Variants in AUTS2 observed in about 807,000 individuals in gnomAD.
AUTS2 encodes autism susceptibility gene 2 protein.
AUTS2 carries 17 observed loss-of-function variants against 112.4 expected under a neutral mutation model. That is an observed-to-expected ratio of 0.15 (90% CI 0.10 to 0.23). The LOEUF (loss-of-function observed/expected upper bound fraction) is 0.23, where lower values mean the gene tolerates loss of function less well. Among genes scored for constraint, AUTS2 ranks in the 10% least tolerant of loss-of-function variants. The pLI is 1.00. For missense variants in AUTS2, 1,510 were observed against 1,701.6 expected (o/e 0.89, Z 1.98); for synonymous variants, 751 against 702.7 (o/e 1.07, Z -1.09).
At chr7:69,655,112 G>T (rs927619864) in intron 1 of AUTS2, among the ~76,000 whole-genome samples, 1 of 152,102 alleles carries the variant, frequency 6.6e-6, no homozygotes, top group Non-Finnish European at 1.5e-5. Flanking sequence ...CAATAGGGAA[G>T]CTTGTTGACC....
At chr7:70,184,196 A>G (rs1241413431) in intron 4 of AUTS2, among the ~76,000 whole-genome samples, 1 of 152,190 alleles carries the variant, frequency 6.6e-6, no homozygotes, top group East Asian at 1.9e-4. Flanking sequence ...AACGTATTAA[A>G]ATAAGTATAA....
intron 5 of AUTS2, among the ~76,000 whole-genome samples, chr7:70,667,186 G>A (rs376104836): frequency 6.6e-6 from 1 of 152,000 alleles, no homozygotes; most frequent in East Asian, 1.9e-4. Context: ...AGAACACCCC[G>A]CACATTAACT....
intron 4 of AUTS2, among the ~76,000 whole-genome samples, chr7:70,189,697 T>C (rs866745133): frequency 1.3e-5 from 2 of 152,342 alleles, no homozygotes; most frequent in South Asian, 4.1e-4. Flanking sequence ...ACTTAACAGT[T>C]GTTCAGTTTC....
rs200298443 is a variant in AUTS2, at chr7:69,899,516, C to T, written c.522+18C>T. The stretch of plus-strand genomic sequence containing the variant: ...TCAGACAGGTGAGGAAGCTTGGGTT[C>T]GCTCTTTCCTGTGGCGGCAAAATCC... On this transcript the variant is annotated intron_variant, in intron 2 of 18. Coordinates refer to ENST00000342771, the MANE Select transcript of AUTS2 (RefSeq NM_015570.4). 36 of 1,612,636 alleles carry T rather than the reference C, an allele frequency of 2.2e-5. No homozygotes were observed. Among genetic ancestry groups the T allele is most frequent in the East Asian group, 1.8e-4 (8 of 44,868 alleles).
chr7:70,571,194 C>T (rs1801923073), intron 5 of AUTS2, among the ~76,000 whole-genome samples: 1 of 152,152 alleles, frequency 6.6e-6, no homozygotes, highest in South Asian at 2.1e-4. Context: ...TTAGGTATAA[C>T]CACAAACAAA....
At chr7:69,967,813 A>G (rs1314970007) in intron 2 of AUTS2, among the ~76,000 whole-genome samples, 1 of 152,180 alleles carries the variant, frequency 6.6e-6, no homozygotes, top group South Asian at 2.1e-4. Flanking sequence ...AGGTAAGTCA[A>G]TATGGTTTCT....
chr7:70,427,347 A>T (rs1795478637), intron 4 of AUTS2, among the ~76,000 whole-genome samples: 1 of 152,214 alleles, frequency 6.6e-6, no homozygotes, highest in Non-Finnish European at 1.5e-5. Flanking sequence ...GAGTTTGGCA[A>T]CCACTGAGGT....
intron 1 of AUTS2, among the ~76,000 whole-genome samples, chr7:69,684,244 T>C (rs965740332): frequency 2.6e-5 from 4 of 152,106 alleles, no homozygotes; most frequent in African/African-American, 9.7e-5. Flanking sequence ...ATAATCCACA[T>C]GTGAGGTAGA....
At chr7:70,063,253 TG>T (rs1802336240) in intron 2 of AUTS2, among the ~76,000 whole-genome samples, 1 of 151,834 alleles carries the variant, frequency 6.6e-6, no homozygotes, top group Non-Finnish European at 1.5e-5. Flanking sequence ...CGATGGGTTT[TG>T]GGTTTTGTTT....
chr7:70,059,102 C>T (rs1802124279), intron 2 of AUTS2, among the ~76,000 whole-genome samples: 1 of 152,172 alleles, frequency 6.6e-6, no homozygotes, highest in Non-Finnish European at 1.5e-5. Flanking sequence ...TATAAAACGG[C>T]ATGTACTCAC....
chr7:69,601,218 G>A (rs1033241030), intron 1 of AUTS2, among the ~76,000 whole-genome samples: 1 of 151,944 alleles, frequency 6.6e-6, no homozygotes, highest in Non-Finnish European at 1.5e-5. Flanking sequence ...ACCAAGATAC[G>A]GTTTATAGTT....
chr7:69,945,731 C>T (rs931338659), intron 2 of AUTS2, among the ~76,000 whole-genome samples: 1 of 152,062 alleles, frequency 6.6e-6, no homozygotes, highest in Non-Finnish European at 1.5e-5. Flanking sequence ...TACATTAGAT[C>T]TTGAGAAAGT....
At chr7:70,532,397 G>A (rs1421549193) in intron 5 of AUTS2, among the ~76,000 whole-genome samples, 1 of 152,140 alleles carries the variant, frequency 6.6e-6, no homozygotes, top group African/African-American at 2.4e-5. Context: ...TTACATTACA[G>A]ATTTATTCCT....
intron 2 of AUTS2, among the ~76,000 whole-genome samples, chr7:69,962,471 T>C (rs1797470088): frequency 6.6e-6 from 1 of 152,186 alleles, no homozygotes; most frequent in Admixed American, 6.6e-5. Flanking sequence ...AGCATGGGGC[T>C]TTCTTTTTCT....
intron 1 of AUTS2, among the ~76,000 whole-genome samples, chr7:69,602,883 A>G (rs1012602692): frequency 9.9e-5 from 15 of 152,206 alleles, no homozygotes; most frequent in African/African-American, 3.4e-4. Context: ...TGGTCAGAAC[A>G]TATGTGTTAG....
At chr7:69,645,173 A>G (rs776973058) in intron 1 of AUTS2, among the ~76,000 whole-genome samples, 6 of 151,906 alleles carry the variant, frequency 3.9e-5, no homozygotes, top group Non-Finnish European at 8.8e-5. Flanking sequence ...TGGCCTCCAA[A>G]AATACTGAGA....
chr7:69,930,783 A>G (rs1162750208), intron 2 of AUTS2, among the ~76,000 whole-genome samples: 1 of 152,150 alleles, frequency 6.6e-6, no homozygotes, highest in Non-Finnish European at 1.5e-5. Flanking sequence ...TATATTTGAC[A>G]TTCTTTTGTA....
In AUTS2 at chr7:69,646,253, C is replaced by T. The variant is rs557492950; in HGVS notation, c.309+46291C>T. On this transcript the variant is annotated intron_variant, in intron 1 of 18. Transcript: ENST00000342771. ...TTAAAAAAGCAGGCTGCTACTGTTT[C>T]TCCTTATACAAGGATTTTAGTCACT... Among the ~76,000 whole-genome samples the T allele has an allele frequency of 3.4e-4, 52 of 152,276 alleles. No homozygotes were observed. In the South Asian group the frequency reaches 6.2e-3, roughly 18 times the overall value.
intron 2 of AUTS2, among the ~76,000 whole-genome samples, chr7:69,958,229 C>G (rs1244010085): frequency 6.6e-6 from 1 of 152,030 alleles, no homozygotes; most frequent in East Asian, 1.9e-4. Flanking sequence ...CATACCTGTA[C>G]CCCTTGGTTT....
Sources: gnomAD v4.1 joint callset for allele counts (sites outside exome capture counted in the v4.1 genomes callset) on GRCh38, gnomAD v4.1.1 for gene constraint, MANE v1.5 for transcripts, NCBI Gene and HGNC (gene_info 2026-07-23, HGNC 2026-07-21) for gene names.